The following GABRG3 variants were observed in gnomAD, a reference collection of about 807,000 sequenced individuals.
GABRG3 encodes the protein gamma-aminobutyric acid type A receptor subunit gamma3.
In GABRG3, 25 loss-of-function variants were observed where a neutral mutation model predicts 48.8. The observed-to-expected ratio is 0.51, with a 90% CI of 0.37 to 0.72. The LOEUF is 0.72. Among genes scored for constraint, GABRG3 ranks in the 30% least tolerant of loss-of-function variants. The pLI, the probability that GABRG3 is intolerant of heterozygous loss-of-function variation, is 0.00. For synonymous variants in GABRG3, 227 were observed against 217.6 expected, an observed-to-expected ratio of 1.04 and a Z score of -0.38; for missense variants, 394 against 577.9, an observed-to-expected ratio of 0.68 and a Z score of 3.26.
intron 3 of GABRG3, among the ~76,000 whole-genome samples, chr15:27,098,611 A>G (rs1012612339): frequency 1.3e-5 from 2 of 152,136 alleles, no homozygotes; most frequent in Non-Finnish European, 2.9e-5. Flanking sequence ...TATTTTAAAG[A>G]GTTTGAGCCT....
intron 5 of GABRG3, among the ~76,000 whole-genome samples, chr15:27,358,495 G>T (rs1319707982): frequency 6.6e-6 from 1 of 152,010 alleles, no homozygotes; most frequent in Non-Finnish European, 1.5e-5. Flanking sequence ...TGGTGGCATG[G>T]TCAGTAAGTC....
chr15:27,537,572 T>C lies in GABRG3; in HGVS notation c.*4691T>C, dbSNP rs1193601944. 6.6e-6 allele frequency: 1 copy of C among 152,188 alleles called. No individual in the cohort carries two copies. The highest frequency in any genetic ancestry group is 2.4e-5 in the African/African-American group (1 of 41,452). The allele number at this position is 152,188 out of a possible 1,614,324, so 9.4% of individuals were successfully genotyped here. A position where few individuals can be genotyped will look rare whatever the true frequency, so the allele number is the denominator to read the frequency against. On this transcript the variant is annotated 3_prime_UTR_variant, in exon 10 of 10. Transcript: ENST00000615808. ...TTATAAAAATAGATCTCTATCATTATAGGGATAAAACGTGTATGTTTTGAG... is the reference window on the plus strand; with the variant it reads ...TTATAAAAATAGATCTCTATCATTACAGGGATAAAACGTGTATGTTTTGAG...
At chr15:27,033,279 C>T (rs1026458927) in intron 3 of GABRG3, among the ~76,000 whole-genome samples, 87 of 152,140 alleles carry the variant, frequency 5.7e-4, no homozygotes, top group African/African-American at 1.8e-3. Flanking sequence ...CCATGGTGAG[C>T]CTGCTGCCTC....
intron 5 of GABRG3, among the ~76,000 whole-genome samples, chr15:27,411,160 C>T (rs958073847): frequency 5.3e-5 from 8 of 152,084 alleles, no homozygotes; most frequent in South Asian, 2.1e-4. Flanking sequence ...GCCCGACTAG[C>T]GTCACCACCT....
At chr15:27,220,407 A>G (rs1003337429) in intron 3 of GABRG3, among the ~76,000 whole-genome samples, 1 of 152,180 alleles carries the variant, frequency 6.6e-6, no homozygotes, top group African/African-American at 2.4e-5. Context: ...ATGTGGTGTT[A>G]TACCAGAGTC....
At chr15:27,192,059 T>C (rs531845120) in intron 3 of GABRG3, among the ~76,000 whole-genome samples, 4 of 152,268 alleles carry the variant, frequency 2.6e-5, no homozygotes, top group Admixed American at 6.5e-5. Flanking sequence ...TGGCCCCCAC[T>C]CTCTTCTGGC....
At chr15:27,145,603 CTCTATCTATCTATCTATCTATCTATCTA>C (rs140259026) in intron 3 of GABRG3, among the ~76,000 whole-genome samples, 1 of 102,298 alleles carries the variant, frequency 9.8e-6, no homozygotes, top group Non-Finnish European at 2.2e-5. Flanking sequence ...ATATATCTAT[CTCTATCTATCTATCTATCTATCTATCTA>C]TCTATCTATC....
rs995280993 is a variant in GABRG3, at chr15:27,179,751, T to C, written c.271-147058T>C. Among the ~76,000 whole-genome samples the C allele has an allele frequency of 1.3e-5, 2 of 152,152 alleles. No homozygotes were observed. The highest frequency in any genetic ancestry group is 2.9e-5 in the Non-Finnish European group (2 of 68,034). Reference sequence around the variant, plus strand: ...GTCTTTTCATGGTGTGAATTTTGAATGCTGTGGGAAAGATGGAAGCCAAAG... The same window carrying C: ...GTCTTTTCATGGTGTGAATTTTGAACGCTGTGGGAAAGATGGAAGCCAAAG... On this transcript the variant is annotated intron_variant, in intron 3 of 9. Coordinates refer to ENST00000615808, the MANE Select transcript of GABRG3 (RefSeq NM_033223.5). The surrounding 1 kb of genome is among the most constrained non-coding windows in gnomAD (Gnocchi z 4.0).
rs181671109 is a variant in GABRG3, at chr15:27,439,361, G to T, written c.575-41289G>T. 4.3e-4 allele frequency among the ~76,000 whole-genome samples: 65 copies of T among 152,306 alleles called. 1 individual carries two copies. Among genetic ancestry groups the T allele is most frequent in the Admixed American group, 4.2e-3 (64 of 15,308 alleles). On this transcript the variant is annotated intron_variant, in intron 5 of 9. Transcript: ENST00000615808. ...TCTTATTGAAAACACTTGATTATAT[G>T]ATTACATTGGGCTAAAGCATGTAAC... is the stretch of plus-strand genomic sequence containing the variant.
intron 3 of GABRG3, among the ~76,000 whole-genome samples, chr15:27,246,451 AG>A (rs1890273497): frequency 6.6e-6 from 1 of 152,194 alleles, no homozygotes; most frequent in Admixed American, 6.5e-5. Flanking sequence ...ATAAATAGAT[AG>A]GTCTAGTATA....
intron 5 of GABRG3, among the ~76,000 whole-genome samples, chr15:27,386,851 A>T (rs2140568503): frequency 6.6e-6 from 1 of 152,370 alleles, no homozygotes; most frequent in Admixed American, 6.5e-5. Context: ...CTTCACACAG[A>T]TACTCTGCCA....
intron 3 of GABRG3, among the ~76,000 whole-genome samples, chr15:27,107,413 G>A (rs1161108651): frequency 6.6e-6 from 1 of 151,976 alleles, no homozygotes; most frequent in African/African-American, 2.4e-5. Context: ...CTCCTTGCTT[G>A]TGATGACATT....
At chr15:27,151,293 A>T (rs1374144565) in intron 3 of GABRG3, among the ~76,000 whole-genome samples, 3 of 151,698 alleles carry the variant, frequency 2.0e-5, no homozygotes, top group Non-Finnish European at 4.4e-5. Flanking sequence ...CTCCATTTTT[A>T]TAATTTTGTT....
At chr15:27,227,138 G>T (rs533047418) in intron 3 of GABRG3, among the ~76,000 whole-genome samples, 3 of 152,238 alleles carry the variant, frequency 2.0e-5, no homozygotes, top group South Asian at 2.1e-4. Context: ...TAACACTAAG[G>T]TATCAAGTTC....
At chr15:27,268,971 G>A (rs1186340215) in intron 3 of GABRG3, among the ~76,000 whole-genome samples, 3 of 152,128 alleles carry the variant, frequency 2.0e-5, no homozygotes, top group Non-Finnish European at 4.4e-5. Context: ...CTCGTACACT[G>A]TTGCCCAGGG....
chr15:27,502,804 G>A (rs535168407), intron 6 of GABRG3, among the ~76,000 whole-genome samples: 10 of 152,360 alleles, frequency 6.6e-5, no homozygotes, highest in African/African-American at 2.4e-4. Context: ...CAAATAACCA[G>A]GCTGATGAAG....
chr15:27,343,040 A>G (rs1654573415), intron 5 of GABRG3, among the ~76,000 whole-genome samples: 1 of 152,176 alleles, frequency 6.6e-6, no homozygotes, highest in African/African-American at 2.4e-5. Context: ...ACTATCTCCA[A>G]GACCCTACCT....
intron 3 of GABRG3, among the ~76,000 whole-genome samples, chr15:27,027,461 C>G (rs546151618): frequency 6.6e-6 from 1 of 152,248 alleles, no homozygotes; most frequent in Admixed American, 6.5e-5. Flanking sequence ...CCTGTGCTCC[C>G]TGCTGCACAT....
intron 5 of GABRG3, among the ~76,000 whole-genome samples, chr15:27,458,802 A>G (rs1343080652): frequency 1.3e-5 from 2 of 152,328 alleles, no homozygotes; most frequent in East Asian, 1.9e-4. Context: ...AGAGGCTGCA[A>G]TTGCAATGAC....
Sources: gnomAD v4.1 joint callset for allele counts (sites outside exome capture counted in the v4.1 genomes callset) on GRCh38, gnomAD v4.1.1 for gene constraint, Gnocchi (gnomAD v3.1) non-coding constraint, MANE v1.5 for transcripts, NCBI Gene and HGNC (gene_info 2026-07-23, HGNC 2026-07-21) for gene names.